KCNH4: variants seen among roughly 807,000 people sequenced by gnomAD.
KCNH4 encodes potassium voltage-gated channel subfamily H member 4, also known as voltage-gated delayed rectifier potassium channel KCNH4.
A neutral mutation model predicts 90.7 loss-of-function variants in KCNH4; 33 were observed. The ratio of observed to expected loss-of-function variants is 0.36; its 90% CI spans 0.28 to 0.49. KCNH4 has a LOEUF of 0.49. KCNH4 is among the 20% of genes least tolerant of loss of function. The pLI is 0.98. For missense variants in KCNH4, 1,044 were observed against 1,387.1 expected, an observed-to-expected ratio of 0.75 and a Z score of 3.93; for synonymous variants, 551 against 581.7, an observed-to-expected ratio of 0.95 and a Z score of 0.76.
chr17:42,157,604 G>A (rs574933363), intron 16 of KCNH4, among the ~76,000 whole-genome samples: 28 of 152,056 alleles, frequency 1.8e-4, no homozygotes, highest in Middle Eastern at 3.4e-3. Context: ...ATGTCCTGAG[G>A]TTTTTTTTGT....
intron 11 of KCNH4, 102 bp from the exon 12 acceptor site, chr17:42,164,270 G>A: frequency 1.9e-6 from 2 of 1,071,318 alleles, no homozygotes; most frequent in Non-Finnish European, 2.6e-6. Context: ...TGAGAATGTG[G>A]AGTCTTTTGT....
Position 42,178,670 on chromosome 17 carries a change from C to T in KCNH4, c.310+123G>A, listed in dbSNP as rs949807908. 9.7e-5 allele frequency: 108 copies of T among 1,115,808 alleles called. 2 individuals are homozygous for T. Among genetic ancestry groups the T allele is most frequent in the Middle Eastern group, 5.9e-4 (2 of 3,364 alleles). 69.1% of individuals were successfully genotyped at this position (1,115,808 alleles called of 1,614,324 possible). A position where few individuals can be genotyped will look rare whatever the true frequency, so the allele number is the denominator to read the frequency against. On this transcript the variant is annotated intron_variant, in intron 2 of 16. Transcript: ENST00000264661. ...CCCAGGACCAGAGAGGTCAGGGATA[C>T]GCTCCGTCACAGTCAGCTTTTGGCA...
Position 42,167,283 on chromosome 17 carries a change from T to G in KCNH4, c.1591-737A>C, listed in dbSNP as rs1465621411. 2.0e-5 allele frequency among the ~76,000 whole-genome samples: 3 copies of G among 152,272 alleles called. No individual in the cohort carries two copies. In the East Asian group the frequency reaches 5.8e-4, roughly 29 times the overall value. On this transcript the variant is annotated intron_variant, in intron 9 of 16. Transcript: ENST00000264661. ...GACCTGATTTCTTTTTTCTTTTTTT[T>G]TGAGGCAGAGTCTCACTCTGTTACC... is the stretch of plus-strand genomic sequence containing the variant.
In KCNH4 at chr17:42,160,451, C is replaced by T. The variant is rs376973353; in HGVS notation, c.2659-16G>A. On this transcript the variant is annotated splice_polypyrimidine_tract_variant and intron_variant, in intron 15 of 16. Coordinates refer to ENST00000264661, the MANE Select transcript of KCNH4 (RefSeq NM_012285.3). ...GACGAGAGATCTGTTGAAAACACAT[C>T]GAGTTGTTTCACAGGTGCCACAGTA... 5 of 1,563,478 alleles carry T rather than the reference C, an allele frequency of 3.2e-6. No homozygotes were observed. Among genetic ancestry groups the T allele is most frequent in the Admixed American group, 3.7e-5 (2 of 54,496 alleles).
rs548019448 is a variant in KCNH4 at position 42,173,665 on chromosome 17, A to G, written c.988-1670T>C. ...AGCAGGGTGGTATGTTGGAAAAAAT[A>G]CTAGACTGGAAGTTTAGCGATCTGG... is the stretch of plus-strand genomic sequence containing the variant. On this transcript the variant is annotated intron_variant, in intron 6 of 16. Coordinates refer to ENST00000264661, the MANE Select transcript of KCNH4 (RefSeq NM_012285.3). 4.2e-5 allele frequency among the ~76,000 whole-genome samples: 6 copies of G among 142,562 alleles called. No homozygotes were observed. The South Asian group carries it at 1.4e-3, about 32-fold the overall frequency. The allele number at this position is 142,562 out of a possible 152,430, so 93.5% of individuals were successfully genotyped here. A position where few individuals can be genotyped will look rare whatever the true frequency, so the allele number is the denominator to read the frequency against.
chr17:42,178,542 C>T (rs2079878910), intron 2 of KCNH4, 65 bp from the exon 3 acceptor site: 1 of 1,569,186 alleles, frequency 6.4e-7, no homozygotes, highest in Non-Finnish European at 8.7e-7. Context: ...TTCTCCTCAT[C>T]CCTCTCATCC....
At chr17:42,165,794 G>A (rs1012929517) in intron 10 of KCNH4, 101 bp from the exon 11 acceptor site, 4 of 1,434,272 alleles carry the variant, frequency 2.8e-6, no homozygotes, top group South Asian at 1.2e-5. Context: ...TGTGTTTGAA[G>A]GATGGTTGAA....
At chr17:42,170,420 G>A (rs1298276675) in intron 7 of KCNH4, 119 bp from the exon 8 acceptor site, 4 of 844,688 alleles carry the variant, frequency 4.7e-6, no homozygotes, top group Non-Finnish European at 7.0e-6. Context: ...CACAGGAAAT[G>A]TGGGGAGTGG....
intron 16 of KCNH4, among the ~76,000 whole-genome samples, chr17:42,158,651 T>C (rs1276109518): frequency 2.0e-5 from 3 of 150,368 alleles, no homozygotes; most frequent in African/African-American, 4.9e-5. Context: ...CTGGCTAACA[T>C]GGTGAAACCC....
intron 4 of KCNH4, among the ~76,000 whole-genome samples, chr17:42,177,482 A>G (rs543935778): frequency 1.3e-5 from 2 of 152,084 alleles, no homozygotes; most frequent in Admixed American, 6.5e-5. Flanking sequence ...TACAGGCATG[A>G]GCCACTGTGC....
In KCNH4 at chr17:42,163,443, G is replaced by T; in HGVS notation, c.2478-109C>A. ...AGTGCCAGGGGGCGGAGCAAGAGCA[G>T]CAGTCAAAGTGGGTTGGGGTTGCAA... On this transcript the variant is annotated intron_variant, in intron 13 of 16. Transcript: ENST00000264661. This position sits in a 1 kb window ranked among gnomAD's most constrained non-coding sequence, Gnocchi z 5.4. 3 of 864,106 alleles carry T rather than the reference G, an allele frequency of 3.5e-6. No homozygotes were observed. The highest frequency in any genetic ancestry group is 5.5e-6 in the Non-Finnish European group (3 of 542,004). The allele number at this position is 864,106 out of a possible 1,614,324, so 53.5% of individuals were successfully genotyped here.
At chr17:42,164,816 G>T (rs1598269651) in intron 11 of KCNH4, among the ~76,000 whole-genome samples, 1 of 137,374 alleles carries the variant, frequency 7.3e-6, no homozygotes, top group South Asian at 2.4e-4. Flanking sequence ...AAACAAAAAC[G>T]AAAACAAGAC....
chr17:42,166,738 A>G (rs993242040), intron 9 of KCNH4, among the ~76,000 whole-genome samples, 192 bp from the exon 10 acceptor site: 1 of 152,118 alleles, frequency 6.6e-6, no homozygotes, highest in Non-Finnish European at 1.5e-5. Context: ...ACCCAATTTC[A>G]GGGGCAGAGA....
At chr17:42,169,355 C>T (rs1474282236) in intron 9 of KCNH4, 122 bp downstream of exon 9, 1 of 896,096 alleles carries the variant, frequency 1.1e-6, no homozygotes, top group Non-Finnish European at 1.7e-6. Flanking sequence ...GCTGGGATTA[C>T]AGGTGTGAGC....
At chr17:42,178,040 G>A in intron 4 of KCNH4, 60 bp downstream of exon 4, 1 of 1,576,566 alleles carries the variant, frequency 6.3e-7, no homozygotes, top group Non-Finnish European at 8.6e-7. Flanking sequence ...ACAGTGGCAG[G>A]GGTGCCTCAG....
chr17:42,178,986 G>A lies in KCNH4; in HGVS notation c.117C>T (p.Gly39=). 6.2e-7 allele frequency: 1 copy of A among 1,614,134 alleles called. No individual in the cohort carries two copies. Among genetic ancestry groups the A allele is most frequent in the Non-Finnish European group, 8.5e-7 (1 of 1,179,952 alleles). ...CGTCGGAGCAGTAGACGATGGGAAA[G>A]CCCCGTGTGCCCTGTGCGTTGGCCA... The part of the protein sequence containing the change: ...FLLANAQGTR[G]FPIVYCSDGF... The change falls in exon 2 of 17, where the codon GGC becomes GGT. Residue 39 remains glycine, a synonymous_variant. Transcript: ENST00000264661.
In KCNH4 at chr17:42,171,815, C is replaced by T. The variant is rs1222508534; in HGVS notation, c.1168G>A (p.Ala390Thr). The T allele has an allele frequency of 1.2e-6, 2 of 1,613,986 alleles. No individual in the cohort carries two copies. Among genetic ancestry groups the T allele is most frequent in the Non-Finnish European group, 1.7e-6 (2 of 1,180,026 alleles). ...ATGTCCCAGAGCAGCGGGTCATTGG[C>T]CTCCATCTCCCGGCGCCCGATGACA... ...WYVIGRREMEANDPLLWDIGW... is the reference protein window; with the variant it reads ...WYVIGRREMETNDPLLWDIGW... The change falls in exon 7 of 17, where the codon GCC (alanine) becomes ACC (threonine). Residue 390 changes from alanine (A) to threonine (T), a missense_variant. By Grantham distance (58) the Ala-to-Thr change is moderately conservative. Transcript: ENST00000264661.
In KCNH4 at chr17:42,169,459, G is replaced by A. The variant is rs761902644; in HGVS notation, c.1590+18C>T. 6.2e-7 allele frequency: 1 copy of A among 1,611,112 alleles called. No individual in the cohort carries two copies. The highest frequency in any genetic ancestry group is 8.5e-7 in the Non-Finnish European group (1 of 1,178,960). On this transcript the variant is annotated intron_variant, in intron 9 of 16. Transcript: ENST00000264661. ...CCACGCGGAGGGCAAGGGCAAGATT[G>A]GAGACCCTGCAGGCTACCTCGTTGG...
At chr17:42,169,449 G>T in intron 9 of KCNH4, 28 bp downstream of exon 9, 2 of 1,607,914 alleles carry the variant, frequency 1.2e-6, no homozygotes, top group Non-Finnish European at 1.7e-6. Flanking sequence ...CGGAGGGCAA[G>T]GGCAAGATTG....
Sources: gnomAD v4.1 joint callset for allele counts (sites outside exome capture counted in the v4.1 genomes callset) on GRCh38, gnomAD v4.1.1 for gene constraint, Gnocchi (gnomAD v3.1) non-coding constraint, MANE v1.5 for transcripts, NCBI Gene and HGNC (gene_info 2026-07-23, HGNC 2026-07-21) for gene names.